The following RNF214 variants were observed in gnomAD, a reference collection of about 807,000 sequenced individuals.
RNF214 encodes the protein ring finger protein 214.
RNF214 carries 25 observed loss-of-function variants against 75.9 expected under a neutral mutation model. That is an observed-to-expected ratio of 0.33 (90% confidence interval 0.24 to 0.46). RNF214 has a LOEUF of 0.46. RNF214 is among the 20% of genes least tolerant of loss of function. RNF214 has a pLI of 1.00. For missense variants in RNF214, 725 were observed against 857.5 expected, an observed-to-expected ratio of 0.85 and a Z score of 1.93; for synonymous variants, 314 against 308.8, an observed-to-expected ratio of 1.02 and a Z score of -0.18.
intron 2 of RNF214, among the ~76,000 whole-genome samples, chr11:117,235,798 T>G (rs887914431): frequency 6.6e-6 from 1 of 152,174 alleles, no homozygotes; most frequent in Admixed American, 6.5e-5. Flanking sequence ...TGGGGGTACA[T>G]AGTGATGTTG....
intron 3 of RNF214, 141 bp downstream of exon 3, chr11:117,239,252 C>T: frequency 1.3e-6 from 1 of 745,314 alleles, no homozygotes; most frequent in Admixed American, 2.7e-5. Flanking sequence ...TCATACTACT[C>T]TCATACAGTG....
At chr11:117,268,262 A>T (rs1436637647) in intron 6 of RNF214, among the ~76,000 whole-genome samples, 1 of 152,250 alleles carries the variant, frequency 6.6e-6, no homozygotes, top group Non-Finnish European at 1.5e-5. Flanking sequence ...GGTGCTCTTC[A>T]GAGTTAGGCT....
intron 1 of RNF214, among the ~76,000 whole-genome samples, chr11:117,233,496 C>T (rs754150792): frequency 1.8e-4 from 27 of 152,192 alleles, no homozygotes; most frequent in Non-Finnish European, 3.7e-4. Flanking sequence ...TCCCCACCTC[C>T]CAAGTATTTT....
Position 117,285,225 on chromosome 11 carries a change from CTATATT to C in RNF214, c.*79_*84del, listed in dbSNP as rs771228849. The C allele has an allele frequency of 7.0e-6, 7 of 994,876 alleles. No individual in the cohort carries two copies. The highest frequency in any genetic ancestry group is 9.7e-6 in the Non-Finnish European group (6 of 619,186). 61.6% of individuals were successfully genotyped at this position (994,876 alleles called of 1,614,324 possible). A position where few individuals can be genotyped will look rare whatever the true frequency, so the allele number is the denominator to read the frequency against. ...GCGCGGGTTCAAGATTTCTAAAACT[CTATATT>C]TATACAGTGACATATACTCATGCCA... On this transcript the variant is annotated 3_prime_UTR_variant, in exon 15 of 15. Coordinates refer to ENST00000300650, the MANE Select transcript of RNF214 (RefSeq NM_207343.4).
intron 4 of RNF214, among the ~76,000 whole-genome samples, chr11:117,241,089 AGATTAGCTT>A (rs1191364644): frequency 6.6e-6 from 1 of 152,086 alleles, no homozygotes; most frequent in East Asian, 1.9e-4. Flanking sequence ...CTGAGGCATG[AGATTAGCTT>A]GAACCTGGGA....
rs758533366 is a variant in RNF214 at position 117,254,976 on chromosome 11, C to T, written c.959+8028C>T. On this transcript the variant is annotated intron_variant, in intron 6 of 14. Coordinates refer to ENST00000300650, the MANE Select transcript of RNF214 (RefSeq NM_207343.4). ...TGCTGAGTGCTGCTGGAGAAAATCA[C>T]ACAACTGTGTGTCTTGGGGCCAGAA... is the stretch of plus-strand genomic sequence containing the variant. Among the ~76,000 whole-genome samples the T allele has an allele frequency of 4.6e-5, 7 of 152,096 alleles. No individual in the cohort carries two copies. In the South Asian group the frequency reaches 6.2e-4, roughly 14 times the overall value.
intron 6 of RNF214, among the ~76,000 whole-genome samples, chr11:117,262,579 G>A (rs1009750232): frequency 2.9e-4 from 44 of 151,476 alleles, no homozygotes; most frequent in Admixed American, 2.6e-3. Context: ...ACAGGGTCTC[G>A]CTATATTGTC....
rs2033000194 is a variant in RNF214, at chr11:117,239,125, T to C, written c.618+14T>C. 8 of 1,579,088 alleles carry C rather than the reference T, an allele frequency of 5.1e-6. No individual in the cohort carries two copies. The highest frequency in any genetic ancestry group is 6.0e-6 in the Non-Finnish European group (7 of 1,161,024). ...ATTGCTGTACAGGTCAAGTGTCAAG[T>C]TTCTACTACTAAAATGTAATTGGGG... On this transcript the variant is annotated intron_variant, in intron 3 of 14. Transcript: ENST00000300650.
At chr11:117,251,733 G>A (rs925797820) in intron 6 of RNF214, among the ~76,000 whole-genome samples, 3 of 152,336 alleles carry the variant, frequency 2.0e-5, no homozygotes, top group East Asian at 3.9e-4. Flanking sequence ...AAGACGTGAA[G>A]TGGGGGAGTG....
intron 6 of RNF214, among the ~76,000 whole-genome samples, chr11:117,258,358 C>A (rs1034908285): frequency 2.1e-4 from 32 of 152,094 alleles, no homozygotes; most frequent in Non-Finnish European, 5.9e-5. Context: ...TGAGCCACCA[C>A]GCCCAGCCCC....
At chr11:117,238,309 G>C (rs1211138424) in intron 2 of RNF214, among the ~76,000 whole-genome samples, 1 of 152,192 alleles carries the variant, frequency 6.6e-6, no homozygotes, top group Non-Finnish European at 1.5e-5. Context: ...ACAAGTCTGA[G>C]GTGGAGGATT....
intron 5 of RNF214, 105 bp downstream of exon 5, chr11:117,244,690 G>C: frequency 1.2e-6 from 1 of 867,582 alleles, no homozygotes; most frequent in Non-Finnish European, 1.6e-6. Flanking sequence ...TTTTGAGACA[G>C]AGTCTCACTC....
intron 6 of RNF214, among the ~76,000 whole-genome samples, chr11:117,267,291 G>A (rs2033816653): frequency 6.6e-6 from 1 of 151,972 alleles, no homozygotes; most frequent in Non-Finnish European, 1.5e-5. Context: ...TGTATTTTGT[G>A]GCCCAAGAAA....
At chr11:117,239,502 T>C (rs761953289) in intron 3 of RNF214, 3 of 466,520 alleles carry the variant, frequency 6.4e-6, no homozygotes, top group Non-Finnish European at 1.2e-5. Context: ...CGGGTGTGCT[T>C]TGTTGTAGGA....
intron 6 of RNF214, among the ~76,000 whole-genome samples, chr11:117,262,301 A>G (rs2033684415): frequency 6.6e-6 from 1 of 151,398 alleles, no homozygotes; most frequent in African/African-American, 2.4e-5. Context: ...GTTGGCCAGG[A>G]TGGTCTCAAA....
At position 117,247,551 on chromosome 11, in the gene RNF214, A is replaced by G. The variant is rs559561180; in HGVS notation, c.959+603A>G. 2.7e-5 allele frequency among the ~76,000 whole-genome samples: 4 copies of G among 150,820 alleles called. No individual in the cohort carries two copies. The East Asian group carries it at 8.0e-4, about 30-fold the overall frequency. On this transcript the variant is annotated intron_variant, in intron 6 of 14. Transcript: ENST00000300650. ...CACCGATCTCACTTTATAACCTGAT[A>G]TTTACAAGTTCAGACCATGGGACAG...
In RNF214 at chr11:117,283,107, TTC is replaced by T; in HGVS notation, c.1951-6_1951-5del. On this transcript the variant is annotated splice_polypyrimidine_tract_variant and splice_region_variant and intron_variant, in intron 13 of 14. Transcript: ENST00000300650. ...TTACCTTTTGATCATGCCGCCTCTGTTCTACAGGCTCCAGCCACCTGTAAGCT... is the reference window on the plus strand; with the variant it reads ...TTACCTTTTGATCATGCCGCCTCTGTTACAGGCTCCAGCCACCTGTAAGCT... The T allele has an allele frequency of 1.9e-6, 3 of 1,609,606 alleles. No homozygotes were observed. The highest frequency in any genetic ancestry group is 2.6e-6 in the Non-Finnish European group (3 of 1,176,080).
chr11:117,269,609 C>T (rs571394384), intron 6 of RNF214, among the ~76,000 whole-genome samples: 26 of 152,264 alleles, frequency 1.7e-4, no homozygotes, highest in African/African-American at 6.0e-4. Context: ...GCAATCCACC[C>T]GTCTCGGCCT....
intron 6 of RNF214, among the ~76,000 whole-genome samples, chr11:117,258,112 A>C (rs2033567045): frequency 6.6e-6 from 1 of 151,052 alleles, no homozygotes; most frequent in Admixed American, 6.6e-5. Context: ...TTTGAGACAG[A>C]GTCTCGCTCT....
Sources: allele counts gnomAD v4.1 joint callset (sites outside exome capture counted in the v4.1 genomes callset), GRCh38; gene constraint gnomAD v4.1.1; transcripts MANE v1.5; gene names NCBI Gene and HGNC (gene_info 2026-07-23, HGNC 2026-07-21).